Variants in FXR1 observed in about 807,000 individuals in gnomAD.
FXR1 encodes FMR1 autosomal homolog 1.
FXR1 carries 15 observed loss-of-function variants against 84.0 expected under a neutral mutation model. The observed-to-expected ratio is 0.18, with a 90% CI of 0.12 to 0.27. The LOEUF is 0.27. FXR1 is among the 10% of genes least tolerant of loss of function. The pLI, the probability that FXR1 is intolerant of heterozygous loss-of-function variation, is 1.00. For synonymous variants in FXR1, 245 were observed against 250.7 expected, an observed-to-expected ratio of 0.98 and a Z score of 0.21; for missense variants, 480 against 774.4, an observed-to-expected ratio of 0.62 and a Z score of 4.51.
intron 13 of FXR1, among the ~76,000 whole-genome samples, chr3:180,963,353 T>C (rs1389575205): frequency 6.6e-6 from 1 of 152,166 alleles, no homozygotes; most frequent in Non-Finnish European, 1.5e-5. Context: ...ATGTTTATTA[T>C]ATTTACAAAG....
rs574313365 is a variant in FXR1, at chr3:180,952,758, A to G, written c.802-1004A>G. ...GCATTGTAAAAAATGTTGATTGCAT[A>G]TGGTATATCATGTAGTGTGCACACA... On this transcript the variant is annotated intron_variant, in intron 8 of 16. Transcript: ENST00000357559. Among the ~76,000 whole-genome samples the G allele has an allele frequency of 8.6e-5, 13 of 151,700 alleles. No homozygotes were observed. The South Asian group carries it at 2.7e-3, about 32-fold the overall frequency.
intron 3 of FXR1, among the ~76,000 whole-genome samples, chr3:180,936,862 A>G (rs1720580113): frequency 6.6e-6 from 1 of 152,204 alleles, no homozygotes; most frequent in South Asian, 2.1e-4. Context: ...TAAGTTAAGA[A>G]GTAACTTTTT....
chr3:180,912,843 G>A (rs1717383732), intron 1 of FXR1, 107 bp downstream of exon 1: 1 of 1,595,706 alleles, frequency 6.3e-7, no homozygotes, highest in Non-Finnish European at 8.6e-7. Context: ...AGGCAGCCAG[G>A]CCAAAGCTCG....
In FXR1 at chr3:180,980,374, T is replaced by C. The variant is rs1315868871; in HGVS notation, c.*4082T>C. On this transcript the variant is annotated 3_prime_UTR_variant, in exon 17 of 17. Transcript: ENST00000357559. ...CTTGAATTTCTTTGTATTTCAGTGA[T>C]TGGGATGTTCTTTTTTTTTGGGAAA... 3.3e-5 allele frequency: 5 copies of C among 152,042 alleles called. 1 individual carries two copies. The highest frequency in any genetic ancestry group is 1.3e-4 in the Admixed American group (2 of 15,252). 9.4% of individuals were successfully genotyped at this position (152,042 alleles called of 1,614,324 possible).
In FXR1 at chr3:180,978,205, A is replaced by G. The variant is rs1169560433; in HGVS notation, c.*1913A>G. The G allele has an allele frequency of 4.6e-5, 7 of 151,366 alleles. No homozygotes were observed. Among genetic ancestry groups the G allele is most frequent in the African/African-American group, 1.7e-4 (7 of 41,212 alleles). The allele number at this position is 151,366 out of a possible 1,614,324, so 9.4% of individuals were successfully genotyped here. ...GTAAAAAAAAAAAAAAAGACTTTTC[A>G]TTTTCTCCCACATAGAATAGTCAGA... is the stretch of plus-strand genomic sequence containing the variant. On this transcript the variant is annotated 3_prime_UTR_variant, in exon 17 of 17. Transcript: ENST00000357559.
chr3:180,915,564 TTGAGA>T (rs1717790633), intron 1 of FXR1: 2 of 1,151,260 alleles, frequency 1.7e-6, no homozygotes, highest in Non-Finnish European at 2.5e-6. Context: ...AGAAGTTGCC[TTGAGA>T]TGAGAGCTGT....
At chr3:180,927,776 G>C (rs527873183) in intron 1 of FXR1, 10 of 431,876 alleles carry the variant, frequency 2.3e-5, no homozygotes, top group African/African-American at 1.8e-4. Flanking sequence ...ATTTAAAGGA[G>C]ATTTGTATAT....
At chr3:180,922,214 CAA>C (rs1718677396) in intron 1 of FXR1, among the ~76,000 whole-genome samples, 1 of 152,020 alleles carries the variant, frequency 6.6e-6, no homozygotes, top group Admixed American at 6.6e-5. Flanking sequence ...TTTAAAAAAA[CAA>C]AAAACTGTAA....
chr3:180,962,826 T>G, intron 11 of FXR1, 57 bp from the exon 12 acceptor site: 2 of 1,212,668 alleles, frequency 1.6e-6, no homozygotes, highest in Non-Finnish European at 2.4e-6. Context: ...GCTTTAGGCT[T>G]TAGGAAAACA....
At position 180,932,719 on chromosome 3, in the gene FXR1, G is replaced by A. The variant is rs182079938; in HGVS notation, c.52-615G>A. On this transcript the variant is annotated intron_variant, in intron 1 of 16. Transcript: ENST00000357559. ...TTCTTTTAAGGGAAGGGAAAGAGAA[G>A]TATGTAGGAAAAATAAGATTAAGTT... Among the ~76,000 whole-genome samples, 98 of 152,276 alleles carry A rather than the reference G, an allele frequency of 6.4e-4. 2 individuals are homozygous for A. The highest frequency in any genetic ancestry group is 1.2e-3 in the Non-Finnish European group (81 of 68,016).
chr3:180,935,338 T>G, intron 3 of FXR1, 107 bp downstream of exon 3: 1 of 615,100 alleles, frequency 1.6e-6, no homozygotes, highest in African/African-American at 1.9e-5. Context: ...ATTCATTTTC[T>G]CTATTCTTTC....
Position 180,970,172 on chromosome 3 carries a change from G to T in FXR1, c.1417G>T (p.Asp473Tyr). The change falls in exon 15 of 17, where the codon GAC becomes TAC. Residue 473 changes from aspartate (D) to tyrosine (Y), a missense_variant. Asp to Tyr is a radical substitution (Grantham distance 160). Around this residue, in one of 6 missense-constraint regions of FXR1, gnomAD observed 157 missense variants for 227.8 expected, o/e 0.69. Transcript: ENST00000357559. ...SSISSVLKDP[D>Y]SNPYSLLDNT... ...CATGAATATAGTGCTCAAAGATCCA[G>T]ACAGCAATCCATACAGCTTACTTGA... is the stretch of plus-strand genomic sequence containing the variant. 1 of 1,595,426 alleles carries T rather than the reference G, an allele frequency of 6.3e-7. No individual in the cohort carries two copies. Among genetic ancestry groups the T allele is most frequent in the Non-Finnish European group, 8.6e-7 (1 of 1,163,424 alleles).
intron 1 of FXR1, among the ~76,000 whole-genome samples, chr3:180,913,103 G>C (rs1038303146): frequency 6.6e-6 from 1 of 152,100 alleles, no homozygotes; most frequent in Non-Finnish European, 1.5e-5. Context: ...GAGGCGGTGG[G>C]ATTGTGTGGT....
intron 1 of FXR1, among the ~76,000 whole-genome samples, chr3:180,930,539 A>G (rs575099951): frequency 7.9e-5 from 12 of 151,880 alleles, no homozygotes; most frequent in African/African-American, 2.9e-4. Flanking sequence ...AGACTTTTCA[A>G]ACTTTGTGAG....
intron 3 of FXR1, among the ~76,000 whole-genome samples, chr3:180,942,377 CAA>C (rs765066164): frequency 0.014 from 440 of 30,958 alleles, no homozygotes; most frequent in African/African-American, 0.049. Flanking sequence ...GACTCCGTCT[CAA>C]AAAAAAAAAA....
At chr3:180,915,427 C>T (rs1717770609) in intron 1 of FXR1, 1 of 936,956 alleles carries the variant, frequency 1.1e-6, no homozygotes, top group African/African-American at 1.6e-5. Context: ...GAATCGTACA[C>T]TATATTGTGT....
At chr3:180,915,370 T>A (rs1187382652) in intron 1 of FXR1, 1 of 617,666 alleles carries the variant, frequency 1.6e-6, no homozygotes, top group African/African-American at 1.9e-5. Context: ...GCTTCTAGAG[T>A]GTTTTCTGTC....
chr3:180,947,525 T>TA (rs1721826028), intron 3 of FXR1, among the ~76,000 whole-genome samples: 1 of 152,220 alleles, frequency 6.6e-6, no homozygotes, highest in Non-Finnish European at 1.5e-5. Context: ...AGAACAATTT[T>TA]TAATATTAAC....
rs1274201998 is a variant in FXR1 at position 180,981,403 on chromosome 3, C to A, written c.*5111C>A. On this transcript the variant is annotated 3_prime_UTR_variant, in exon 17 of 17. Transcript: ENST00000357559. Reference sequence around the variant, plus strand: ...AAGTACTCTCATCATTTGGAAAATACTTGATGGCAGGAGAACTTGCTTAAA... The same window carrying A: ...AAGTACTCTCATCATTTGGAAAATAATTGATGGCAGGAGAACTTGCTTAAA... The A allele has an allele frequency of 6.6e-6, 1 of 151,964 alleles. No homozygotes were observed. 9.4% of individuals were successfully genotyped at this position (151,964 alleles called of 1,614,324 possible). A position where few individuals can be genotyped will look rare whatever the true frequency, so the allele number is the denominator to read the frequency against.
Sources: gnomAD v4.1 joint callset for allele counts (sites outside exome capture counted in the v4.1 genomes callset) on GRCh38, gnomAD v4.1.1 for gene constraint, gnomAD v4.1.1 regional missense constraint, MANE v1.5 for transcripts, NCBI Gene and HGNC (gene_info 2026-07-23, HGNC 2026-07-21) for gene names.